Variants in PDE4B observed in about 807,000 individuals in gnomAD.
PDE4B encodes the protein 3',5'-cyclic-AMP phosphodiesterase 4B.
PDE4B carries 20 observed loss-of-function variants against 82.2 expected under a neutral mutation model. The ratio of observed to expected loss-of-function variants is 0.24; its 90% CI spans 0.17 to 0.35. PDE4B has a LOEUF of 0.35. PDE4B is among the 10% of genes least tolerant of loss of function. The pLI, the probability that PDE4B is intolerant of heterozygous loss-of-function variation, is 1.00. For synonymous variants in PDE4B, 320 were observed against 318.9 expected (o/e 1.00, Z -0.04); for missense variants, 655 against 907.2 (o/e 0.72, Z 3.57).
In PDE4B at chr1:66,127,008, A is replaced by G. The variant is rs570480652; in HGVS notation, c.282-120452A>G. On this transcript the variant is annotated intron_variant, in intron 3 of 16. Transcript: ENST00000341517. Reference sequence around the variant, plus strand: ...ACGAAAGACAAAGAAAGAGGGGGGAACTATTATAGACTGAAGATAAATAAG... The same window carrying G: ...ACGAAAGACAAAGAAAGAGGGGGGAGCTATTATAGACTGAAGATAAATAAG... 7.9e-5 allele frequency among the ~76,000 whole-genome samples: 12 copies of G among 152,284 alleles called. No individual in the cohort carries two copies. In the East Asian group the frequency reaches 1.7e-3, roughly 22 times the overall value.
intron 3 of PDE4B, among the ~76,000 whole-genome samples, chr1:66,193,686 C>T (rs1648019024): frequency 6.6e-6 from 1 of 151,994 alleles, no homozygotes; most frequent in South Asian, 2.1e-4. Flanking sequence ...AAACATTGGT[C>T]AAGGTATGTT....
intron 3 of PDE4B, among the ~76,000 whole-genome samples, chr1:66,200,844 T>C (rs764175663): frequency 7.2e-5 from 11 of 152,172 alleles, no homozygotes; most frequent in Non-Finnish European, 1.6e-4. Context: ...TATTTCCTTC[T>C]CCTACCTAAT....
At chr1:65,934,590 C>T (rs1270809828) in intron 3 of PDE4B, among the ~76,000 whole-genome samples, 3 of 152,122 alleles carry the variant, frequency 2.0e-5, no homozygotes, top group African/African-American at 7.2e-5. Context: ...AGACAAAGAG[C>T]AGTTGAATGA....
intron 1 of PDE4B, among the ~76,000 whole-genome samples, chr1:65,888,184 G>T (rs1646813663): frequency 6.6e-6 from 1 of 151,996 alleles, no homozygotes; most frequent in African/African-American, 2.4e-5. Flanking sequence ...AATTTTCCTA[G>T]CACCATTTAT....
At chr1:66,104,727 T>G (rs1386239693) in intron 3 of PDE4B, among the ~76,000 whole-genome samples, 1 of 149,622 alleles carries the variant, frequency 6.7e-6, no homozygotes, top group Admixed American at 6.7e-5. Flanking sequence ...TTTGGCTGCA[T>G]AAATGTCTTC....
In PDE4B at chr1:65,853,536, T is replaced by A. The variant is rs141722282; in HGVS notation, c.-70-59709T>A. Among the ~76,000 whole-genome samples, 72 of 152,072 alleles carry A rather than the reference T, an allele frequency of 4.7e-4. 2 individuals carry two copies. In the East Asian group the frequency reaches 0.012, roughly 26 times the overall value. Reference sequence around the variant, plus strand: ...TAGCTTATGCATTATAACCCTTTTTTTTTTTTATTTTTGAGACGGAGTCTC... The same window carrying A: ...TAGCTTATGCATTATAACCCTTTTTATTTTTTATTTTTGAGACGGAGTCTC... On this transcript the variant is annotated intron_variant, in intron 1 of 16. Coordinates refer to ENST00000341517, the MANE Select transcript of PDE4B (RefSeq NM_002600.4).
intron 3 of PDE4B, among the ~76,000 whole-genome samples, chr1:65,960,946 T>TA (rs1331555530): frequency 5.3e-5 from 8 of 152,102 alleles, no homozygotes; most frequent in African/African-American, 1.9e-4. Flanking sequence ...CTCAAATCAA[T>TA]AAAAAACATT....
intron 1 of PDE4B, among the ~76,000 whole-genome samples, chr1:65,829,389 C>T (rs1016704925): frequency 2.0e-5 from 3 of 152,000 alleles, no homozygotes; most frequent in African/African-American, 7.2e-5. Flanking sequence ...TTCTTATTGA[C>T]AAAACAAGAA....
At chr1:65,926,256 AG>A (rs1168568820) in intron 3 of PDE4B, among the ~76,000 whole-genome samples, 1 of 152,196 alleles carries the variant, frequency 6.6e-6, no homozygotes, top group Admixed American at 6.5e-5. Flanking sequence ...GCATTTCTTT[AG>A]TAGCATCAAG....
At chr1:66,218,479 C>T (rs1400690610) in intron 3 of PDE4B, among the ~76,000 whole-genome samples, 1 of 152,114 alleles carries the variant, frequency 6.6e-6, no homozygotes, top group African/African-American at 2.4e-5. Context: ...GTGATTACTG[C>T]TGTTTCTGCT....
intron 1 of PDE4B, among the ~76,000 whole-genome samples, chr1:65,867,197 C>G (rs542077893): frequency 6.6e-6 from 1 of 152,030 alleles, no homozygotes; most frequent in East Asian, 1.9e-4. Context: ...TTTAAAAGCC[C>G]CTTAGGAACA....
intron 7 of PDE4B, among the ~76,000 whole-genome samples, chr1:66,290,550 T>C (rs988493571): frequency 3.9e-5 from 6 of 152,178 alleles, no homozygotes; most frequent in African/African-American, 1.4e-4. Flanking sequence ...CAGGCAAGAC[T>C]GAGAGTTCCT....
intron 3 of PDE4B, among the ~76,000 whole-genome samples, chr1:66,214,345 T>C (rs1270972923): frequency 6.6e-6 from 1 of 152,190 alleles, no homozygotes; most frequent in Non-Finnish European, 1.5e-5. Flanking sequence ...GGCTTTTTTT[T>C]CCCTGTAACT....
intron 8 of PDE4B, among the ~76,000 whole-genome samples, chr1:66,348,447 A>C (rs1460895388): frequency 3.9e-5 from 6 of 152,168 alleles, no homozygotes; most frequent in Admixed American, 1.3e-4. Context: ...GGGAAGGATC[A>C]AGTATATGAA....
rs139143532 is a variant in PDE4B at position 66,117,840 on chromosome 1, T to G, written c.282-129620T>G. Among the ~76,000 whole-genome samples, 11 of 152,350 alleles carry G rather than the reference T, an allele frequency of 7.2e-5. No homozygotes were observed. The East Asian group carries it at 2.1e-3, about 29-fold the overall frequency. On this transcript the variant is annotated intron_variant, in intron 3 of 16. Coordinates refer to ENST00000341517, the MANE Select transcript of PDE4B (RefSeq NM_002600.4). ...AAAATGGATATGTACAGATAAGATG[T>G]GATTGCTTCTTTTTCTTAAAAAACC...
At chr1:66,273,822 T>C (rs762241703) in intron 7 of PDE4B, among the ~76,000 whole-genome samples, 1 of 152,254 alleles carries the variant, frequency 6.6e-6, no homozygotes, top group African/African-American at 2.4e-5. Flanking sequence ...AGGCTCATGT[T>C]CAGCTTTGTT....
intron 8 of PDE4B, chr1:66,354,985 A>C: frequency 1.7e-6 from 2 of 1,193,878 alleles, no homozygotes; most frequent in Non-Finnish European, 1.2e-6. Flanking sequence ...ATCTGTAATA[A>C]TTTGATTTGT....
intron 3 of PDE4B, among the ~76,000 whole-genome samples, chr1:66,036,316 T>G (rs970475987): frequency 6.6e-6 from 1 of 152,192 alleles, no homozygotes; most frequent in Non-Finnish European, 1.5e-5. Context: ...TGTGCAGAGT[T>G]TTTTGGTTTG....
chr1:65,834,131 G>A (rs1046358957), intron 1 of PDE4B, among the ~76,000 whole-genome samples: 4 of 152,074 alleles, frequency 2.6e-5, no homozygotes, highest in South Asian at 2.1e-4. Context: ...TGCAACCTCC[G>A]CCTCCCGGGT....
Sources: allele counts gnomAD v4.1 joint callset (sites outside exome capture counted in the v4.1 genomes callset), GRCh38; gene constraint gnomAD v4.1.1; transcripts MANE v1.5; gene names NCBI Gene and HGNC (gene_info 2026-07-23, HGNC 2026-07-21).